Variants in BPIFB4 observed in about 807,000 individuals in gnomAD.
BPIFB4 encodes the protein BPI fold containing family B member 4, also known as BPI fold-containing family B member 4.
Under a neutral mutation model 69.2 loss-of-function variants are expected in BPIFB4, and 62 were observed. The observed-to-expected ratio is 0.90, with a 90% confidence interval of 0.73 to 1.11. The LOEUF (loss-of-function observed/expected upper bound fraction) is 1.11. Ranked by LOEUF, BPIFB4 falls within the 50% of genes least tolerant of loss-of-function variation. The probability of loss-of-function intolerance (pLI) is 0.00; values close to 1 mark genes in which losing one functional copy is unlikely to be tolerated. For synonymous variants in BPIFB4, 330 were observed against 332.7 expected, an observed-to-expected ratio of 0.99 and a Z score of 0.09; for missense variants, 789 against 792.0, an observed-to-expected ratio of 1.00 and a Z score of 0.04.
At chr20:33,084,387 G>T (rs769134636) in intron 5 of BPIFB4, among the ~76,000 whole-genome samples, 1 of 152,152 alleles carries the variant, frequency 6.6e-6, no homozygotes, top group Non-Finnish European at 1.5e-5. Context: ...AGGGTACATG[G>T]GCATTGATAA....
At chr20:33,081,778 CT>C in intron 3 of BPIFB4, 146 bp downstream of exon 3, 2 of 1,433,276 alleles carry the variant, frequency 1.4e-6, no homozygotes, top group Non-Finnish European at 9.1e-7. Flanking sequence ...TTAGTTTCTC[CT>C]TTTTCTTTTG....
In BPIFB4 at chr20:33,083,575, C is replaced by A. The variant is rs772687337; in HGVS notation, c.378C>A (p.Ala126=). 6.2e-7 allele frequency: 1 copy of A among 1,614,002 alleles called. No homozygotes were observed. Among genetic ancestry groups the A allele is most frequent in the African/African-American group, 1.3e-5 (1 of 74,956 alleles). ...RDLRNSGYRS[A]ENAYGGHRGL... ...TCCGAAACAGTGGCTATCGCAGTGC[C>A]GAGAATGCATATGGAGGCCACAGGG... The change falls in exon 5 of 18, where the codon GCC becomes GCA. Residue 126 remains alanine (A), a synonymous_variant. Transcript: ENST00000375483.
At chr20:33,093,371 C>T (rs189497200) in intron 11 of BPIFB4, among the ~76,000 whole-genome samples, 2 of 151,614 alleles carry the variant, frequency 1.3e-5, no homozygotes, top group Non-Finnish European at 2.9e-5. Flanking sequence ...ATCTATCTAT[C>T]CAGCCATCCA....
rs11167197 is a variant in BPIFB4 at position 33,088,340 on chromosome 20, CAA to C, written c.927-611_927-610del. On this transcript the variant is annotated intron_variant, in intron 7 of 17. Coordinates refer to ENST00000375483, the MANE Select transcript of BPIFB4 (RefSeq NM_182519.3). ...TGGGCAACAAACTGAGACTCTGTCTCAAAAAAAAAAAAAAAAGAAAAGAAAAA... is the reference window on the plus strand; with the variant it reads ...TGGGCAACAAACTGAGACTCTGTCTCAAAAAAAAAAAAAAGAAAAGAAAAA... Among the ~76,000 whole-genome samples, 365 of 122,782 alleles carry C rather than the reference CAA, an allele frequency of 3.0e-3. 1 individual carries two copies. The highest frequency in any genetic ancestry group is 4.9e-3 in the African/African-American group (161 of 32,748). 80.5% of individuals were successfully genotyped at this position (122,782 alleles called of 152,430 possible).
chr20:33,104,202 C>T (rs1981980580), intron 15 of BPIFB4, among the ~76,000 whole-genome samples: 1 of 152,152 alleles, frequency 6.6e-6, no homozygotes, highest in Non-Finnish European at 1.5e-5. Flanking sequence ...CCCTATGAGG[C>T]AAGGGTTACT....
intron 16 of BPIFB4, among the ~76,000 whole-genome samples, chr20:33,105,356 A>G (rs779981267): frequency 8.5e-5 from 13 of 152,208 alleles, no homozygotes; most frequent in Non-Finnish European, 1.9e-4. Context: ...CCATTGGCGC[A>G]GATACAGCTA....
intron 3 of BPIFB4, among the ~76,000 whole-genome samples, chr20:33,082,685 T>A (rs533680468): frequency 6.6e-6 from 1 of 152,274 alleles, no homozygotes; most frequent in African/African-American, 2.4e-5. Context: ...GGGAGGGCGA[T>A]GAAGAAAATC....
At chr20:33,106,480 C>T (rs1183608561) in intron 16 of BPIFB4, among the ~76,000 whole-genome samples, 1 of 150,684 alleles carries the variant, frequency 6.6e-6, no homozygotes, top group Non-Finnish European at 1.5e-5. Flanking sequence ...TCAAGAGACT[C>T]CCCTGCCTCA....
At chr20:33,093,696 C>T (rs2146409278) in intron 11 of BPIFB4, among the ~76,000 whole-genome samples, 2 of 151,518 alleles carry the variant, frequency 1.3e-5, no homozygotes, top group Non-Finnish European at 3.0e-5. Context: ...CACCTATCCA[C>T]TCACTCACCC....
chr20:33,089,775 G>A (rs1981546848), intron 9 of BPIFB4, among the ~76,000 whole-genome samples: 1 of 152,154 alleles, frequency 6.6e-6, no homozygotes, highest in Non-Finnish European at 1.5e-5. Context: ...GGGTCTGGGA[G>A]TCAGGGGTCT....
At chr20:33,089,348 C>A in intron 8 of BPIFB4, 150 bp from the exon 9 acceptor site, 1 of 1,300,702 alleles carries the variant, frequency 7.7e-7, no homozygotes, top group Non-Finnish European at 1.1e-6. Flanking sequence ...GAATTAGAGA[C>A]AGCCTTCCCC....
At chr20:33,090,599 T>C in intron 9 of BPIFB4, 109 bp from the exon 10 acceptor site, 1 of 1,533,812 alleles carries the variant, frequency 6.5e-7, no homozygotes, top group East Asian at 2.3e-5. Flanking sequence ...TCATGGTGTC[T>C]GGAGCTGGAG....
intron 11 of BPIFB4, among the ~76,000 whole-genome samples, chr20:33,093,274 T>C (rs1245255028): frequency 6.8e-6 from 1 of 146,858 alleles, no homozygotes; most frequent in African/African-American, 2.5e-5. Context: ...CATCCACCCA[T>C]ACATCCATCT....
chr20:33,091,880 T>C (rs546290649), intron 10 of BPIFB4, among the ~76,000 whole-genome samples: 1 of 152,284 alleles, frequency 6.6e-6, no homozygotes, highest in East Asian at 1.9e-4. Flanking sequence ...GGGTGTATGA[T>C]CCACCCAGGG....
chr20:33,109,543 G>T (rs1982177060), intron 17 of BPIFB4, among the ~76,000 whole-genome samples: 1 of 152,106 alleles, frequency 6.6e-6, no homozygotes, highest in South Asian at 2.1e-4. Flanking sequence ...CAAACCAATG[G>T]CTCTCAGTGG....
At chr20:33,088,869 C>A in intron 7 of BPIFB4, 97 bp from the exon 8 acceptor site, 1 of 1,583,822 alleles carries the variant, frequency 6.3e-7, no homozygotes, top group Admixed American at 1.7e-5. Flanking sequence ...GAGGTTCTCA[C>A]TGTTCAGAGC....
At position 33,095,266 on chromosome 20, in the gene BPIFB4, C is replaced by T. The variant is rs559850433; in HGVS notation, c.1398+113C>T. 5.9e-6 allele frequency: 7 copies of T among 1,180,224 alleles called. No homozygotes were observed. In the East Asian group the frequency reaches 1.5e-4, roughly 25 times the overall value. The allele number at this position is 1,180,224 out of a possible 1,614,324, so 73.1% of individuals were successfully genotyped here. ...TGGGGTGGGGTGCTCTCCCCCGAAC[C>T]CCTGCTTGGGAGTGCAGTGACAGTG... On this transcript the variant is annotated intron_variant, in intron 12 of 17. Transcript: ENST00000375483.
chr20:33,081,495 C>T lies in BPIFB4; in HGVS notation c.-15-17C>T. ...TGGCGCCCAGCCACATCTGCATCTG[C>T]ACTTTCTCCTCCACAGGGAAGCAGT... On this transcript the variant is annotated splice_polypyrimidine_tract_variant and intron_variant, in intron 2 of 17. Transcript: ENST00000375483. 1.3e-6 allele frequency: 2 copies of T among 1,551,068 alleles called. No homozygotes were observed. The highest frequency in any genetic ancestry group is 1.7e-4 in the Middle Eastern group (1 of 5,978).
At chr20:33,087,717 A>AC (rs375100979) in intron 7 of BPIFB4, among the ~76,000 whole-genome samples, 1 of 59,398 alleles carries the variant, frequency 1.7e-5, no homozygotes, top group South Asian at 7.7e-4. Context: ...CTATCCCCTC[A>AC]ACACACACAC....
Sources: gnomAD v4.1 joint callset for allele counts (sites outside exome capture counted in the v4.1 genomes callset) on GRCh38, gnomAD v4.1.1 for gene constraint, MANE v1.5 for transcripts, NCBI Gene and HGNC (gene_info 2026-07-23, HGNC 2026-07-21) for gene names.